The following CBX5 variants were observed in gnomAD, a reference collection of about 807,000 sequenced individuals.
CBX5 encodes chromobox 5, also known as chromobox protein homolog 5.
Under a neutral mutation model 20.7 loss-of-function variants are expected in CBX5, and 7 were observed. The observed-to-expected ratio is 0.34, with a 90% confidence interval of 0.19 to 0.63. The LOEUF is 0.63. CBX5 is among the 30% of genes least tolerant of loss of function. The probability of loss-of-function intolerance (pLI) is 0.75; values close to 1 mark genes in which losing one functional copy is unlikely to be tolerated. For missense variants in CBX5, 110 were observed against 224.1 expected, an observed-to-expected ratio of 0.49 and a Z score of 3.25; for synonymous variants, 78 against 77.0, an observed-to-expected ratio of 1.01 and a Z score of -0.07.
chr12:54,257,276 GACTCTC>G (rs1419402186), intron 2 of CBX5, among the ~76,000 whole-genome samples: 28 of 152,192 alleles, frequency 1.8e-4, no homozygotes, highest in Non-Finnish European at 3.2e-4. Flanking sequence ...CAAGCAATCT[GACTCTC>G]GAGTCTGTGC....
At position 54,271,438 on chromosome 12, in the gene CBX5, G is replaced by A. The variant is rs182236069; in HGVS notation, c.-43+8570C>T. Reference sequence around the variant, plus strand: ...CCTCCCAGGTTCAAGCGATTCTCCTGCCTCAGCCTCCCAAGTAGCTGGGAT... The same window carrying A: ...CCTCCCAGGTTCAAGCGATTCTCCTACCTCAGCCTCCCAAGTAGCTGGGAT... On this transcript the variant is annotated intron_variant, in intron 1 of 4. Transcript: ENST00000209875. 2.7e-3 allele frequency among the ~76,000 whole-genome samples: 406 copies of A among 152,306 alleles called. 1 individual carries two copies. Among genetic ancestry groups the A allele is most frequent in the African/African-American group, 9.2e-3 (383 of 41,574 alleles).
At position 54,236,235 on chromosome 12, in the gene CBX5, A is replaced by G. The variant is rs1433936546; in HGVS notation, c.*5520T>C. ...TTTATAGCATTTATTATACCAAACTATTTTTTTTTTGAACAGAAACATAGC... is the reference window on the plus strand; with the variant it reads ...TTTATAGCATTTATTATACCAAACTGTTTTTTTTTTGAACAGAAACATAGC... On this transcript the variant is annotated 3_prime_UTR_variant, in exon 5 of 5. Coordinates refer to ENST00000209875, the MANE Select transcript of CBX5 (RefSeq NM_012117.3). The G allele has an allele frequency of 6.7e-6, 1 of 150,100 alleles. No homozygotes were observed. The highest frequency in any genetic ancestry group is 1.5e-5 in the Non-Finnish European group (1 of 67,426). The allele number at this position is 150,100 out of a possible 1,614,324, so 9.3% of individuals were successfully genotyped here.
At chr12:54,252,394 GAAA>G in intron 2 of CBX5, 167 bp from the exon 3 acceptor site, 87 of 266,896 alleles carry the variant, frequency 3.3e-4, no homozygotes, top group South Asian at 4.5e-4. Flanking sequence ...CAGGAAAAAT[GAAA>G]AAAAAAAAAA....
chr12:54,263,510 G>A (rs576403047), intron 1 of CBX5, among the ~76,000 whole-genome samples: 1 of 151,716 alleles, frequency 6.6e-6, no homozygotes, highest in African/African-American at 2.4e-5. Context: ...CAAGGCAGGT[G>A]GATCATGAGG....
At chr12:54,248,138 C>G (rs118102222) in intron 3 of CBX5, among the ~76,000 whole-genome samples, 1 of 152,054 alleles carries the variant, frequency 6.6e-6, no homozygotes, top group African/African-American at 2.4e-5. Context: ...CCATCACACC[C>G]GGCTACGCCT....
chr12:54,274,047 G>A (rs1210475666), intron 1 of CBX5: 1 of 152,228 alleles, frequency 6.6e-6, no homozygotes, highest in Non-Finnish European at 1.5e-5. Flanking sequence ...TGGCAGATCT[G>A]AGAAGAGAAA....
chr12:54,279,873 C>T (rs1944117640), intron 1 of CBX5, 135 bp downstream of exon 1: 1 of 152,722 alleles, frequency 6.5e-6, no homozygotes, highest in Non-Finnish European at 1.5e-5. Context: ...CCCTGTTCTT[C>T]TATTGGTTGG....
In CBX5 at chr12:54,279,962, T is replaced by G. The variant is rs374154317; in HGVS notation, c.-43+46A>C. 4.7e-3 allele frequency: 642 copies of G among 135,178 alleles called. 3 individuals carry two copies. The highest frequency in any genetic ancestry group is 6.7e-3 in the Admixed American group (76 of 11,332). 8.4% of individuals were successfully genotyped at this position (135,178 alleles called of 1,614,324 possible). ...CACACAATAACGGGCCCAAATGGAG[T>G]CAGTTCAAGACCTACTATGGGTAGA... On this transcript the variant is annotated intron_variant, in intron 1 of 4. Transcript: ENST00000209875.
At chr12:54,257,217 C>G (rs1943869587) in intron 2 of CBX5, among the ~76,000 whole-genome samples, 1 of 152,090 alleles carries the variant, frequency 6.6e-6, no homozygotes, top group African/African-American at 2.4e-5. Flanking sequence ...AGGAAATTAG[C>G]CAAGGCCATC....
At chr12:54,276,232 T>A (rs943235051) in intron 1 of CBX5, among the ~76,000 whole-genome samples, 2 of 152,160 alleles carry the variant, frequency 1.3e-5, no homozygotes, top group Non-Finnish European at 2.9e-5. Flanking sequence ...GATGGGGTTA[T>A]GTCCTGATAA....
At chr12:54,276,257 G>A (rs1470972294) in intron 1 of CBX5, among the ~76,000 whole-genome samples, 2 of 152,108 alleles carry the variant, frequency 1.3e-5, no homozygotes, top group Admixed American at 6.6e-5. Context: ...ATCATAGGTT[G>A]AAAATATGAA....
intron 2 of CBX5, among the ~76,000 whole-genome samples, chr12:54,256,548 G>T (rs1943864638): frequency 6.6e-6 from 1 of 152,088 alleles, no homozygotes; most frequent in South Asian, 2.1e-4. Context: ...CTAGACTGCA[G>T]GAGCTGTGCC....
chr12:54,235,167 T>A lies in CBX5; in HGVS notation c.*6588A>T, dbSNP rs570526253. The A allele has an allele frequency of 6.6e-6, 1 of 152,352 alleles. No individual in the cohort carries two copies. The highest frequency in any genetic ancestry group is 2.4e-5 in the African/African-American group (1 of 41,580). 9.4% of individuals were successfully genotyped at this position (152,352 alleles called of 1,614,324 possible). ...AGAAATAAATATCTTTTTCTTGTGGTCATCCATGGGTCAGAATCGACAACA... is the reference window on the plus strand; with the variant it reads ...AGAAATAAATATCTTTTTCTTGTGGACATCCATGGGTCAGAATCGACAACA... On this transcript the variant is annotated 3_prime_UTR_variant, in exon 5 of 5. Coordinates refer to ENST00000209875, the MANE Select transcript of CBX5 (RefSeq NM_012117.3).
At chr12:54,254,678 C>G (rs1943846235) in intron 2 of CBX5, among the ~76,000 whole-genome samples, 1 of 151,940 alleles carries the variant, frequency 6.6e-6, no homozygotes, top group Non-Finnish European at 1.5e-5. Context: ...CACAGTGAAA[C>G]CCCATCTCTA....
intron 2 of CBX5, among the ~76,000 whole-genome samples, chr12:54,256,158 C>T (rs1943861525): frequency 6.6e-6 from 1 of 152,120 alleles, no homozygotes; most frequent in South Asian, 2.1e-4. Context: ...TTTCAAACAC[C>T]CAAATATTTC....
At chr12:54,242,057 G>GAAATGTA (rs1216946891) in intron 4 of CBX5, 152 bp from the exon 5 acceptor site, 6 of 630,816 alleles carry the variant, frequency 9.5e-6, no homozygotes, top group Non-Finnish European at 1.6e-5. Context: ...TTTTCAAGAA[G>GAAATGTA]AAATGTAAGT....
rs1266445282 is a variant in CBX5, at chr12:54,234,762, G to C, written c.*6993C>G. ...CTGACCTCAGAAACAAATAGCATTG[G>C]AGGATCACTTTCTTCCCATAAAACA... On this transcript the variant is annotated 3_prime_UTR_variant, in exon 5 of 5. Transcript: ENST00000209875. 1 of 152,176 alleles carries C rather than the reference G, an allele frequency of 6.6e-6. No homozygotes were observed. Among genetic ancestry groups the C allele is most frequent in the Non-Finnish European group, 1.5e-5 (1 of 68,050 alleles). 9.4% of individuals were successfully genotyped at this position (152,176 alleles called of 1,614,324 possible).
intron 2 of CBX5, 24 bp downstream of exon 2, chr12:54,257,490 G>T (rs771878621): frequency 2.9e-5 from 46 of 1,613,538 alleles, no homozygotes; most frequent in Non-Finnish European, 3.9e-5. Flanking sequence ...GAGTCCCAAC[G>T]CCTGGGGGAA....
chr12:54,259,422 G>C (rs1176992360), intron 1 of CBX5: 1 of 152,520 alleles, frequency 6.6e-6, no homozygotes, highest in Non-Finnish European at 1.5e-5. Flanking sequence ...TTTTGAGGGA[G>C]AGACAAGGAA....
Sources: gnomAD v4.1 joint callset for allele counts (sites outside exome capture counted in the v4.1 genomes callset) on GRCh38, gnomAD v4.1.1 for gene constraint, MANE v1.5 for transcripts, NCBI Gene and HGNC (gene_info 2026-07-23, HGNC 2026-07-21) for gene names.